ZNF880: variants seen among roughly 807,000 people sequenced by gnomAD.
ZNF880 encodes zinc finger protein LOC400713.
In ZNF880, 12 loss-of-function variants were observed where a neutral mutation model predicts 11.8. The observed-to-expected ratio is 1.02, with a 90% CI of 0.65 to 1.65. The LOEUF is 1.65. Ranked by LOEUF, ZNF880 falls within the 40% of genes most tolerant of loss-of-function variation. ZNF880 has a pLI of 0.00. For synonymous variants in ZNF880, 210 were observed against 232.4 expected, an observed-to-expected ratio of 0.90 and a Z score of 0.88; for missense variants, 601 against 673.9, an observed-to-expected ratio of 0.89 and a Z score of 1.20.
In ZNF880 at chr19:52,378,764, T is replaced by G. The variant is rs143042680; in HGVS notation, c.268+4337T>G. On this transcript the variant is annotated intron_variant, in intron 3 of 3. Transcript: ENST00000422689. ...ACTAAAGCCACTGCTGATTTTATTT[T>G]GGGCCTTTCCATGTATTAGAAATGA... 4.3e-4 allele frequency among the ~76,000 whole-genome samples: 65 copies of G among 152,208 alleles called. No individual in the cohort carries two copies. In the East Asian group the frequency reaches 0.011, roughly 27 times the overall value.
intron 3 of ZNF880, chr19:52,374,648 T>A (rs988465113): frequency 7.5e-5 from 51 of 677,636 alleles, no homozygotes; most frequent in Non-Finnish European, 1.3e-4. Context: ...AACCACACTT[T>A]GAGTTTCTGT....
Position 52,384,524 on chromosome 19 carries a change from A to G in ZNF880, c.944A>G (p.Gln315Arg). Residue 315 changes from glutamine (Q) to arginine (R), a missense_variant, in exon 4 of 4, where the codon CAG becomes CGG. Around this residue, in one of 3 missense-constraint regions of ZNF880, gnomAD observed 420 missense variants for 442.6 expected, o/e 0.95. Transcript: ENST00000422689. ...AGAAATGCACACCTTGCACGACATC[A>G]GAAAATTCATAGTGGAGAGAAACCT... is the stretch of plus-strand genomic sequence containing the variant. ...FNRNAHLARH[Q>R]KIHSGEKPYK... 6.2e-7 allele frequency: 1 copy of G among 1,614,122 alleles called. No individual in the cohort carries two copies. The highest frequency in any genetic ancestry group is 8.5e-7 in the Non-Finnish European group (1 of 1,180,016).
Position 52,384,119 on chromosome 19 carries a change from G to A in ZNF880, c.539G>A (p.Arg180Lys). The change falls in exon 4 of 4, where the codon AGG becomes AAG. Residue 180 changes from arginine (R) to lysine (K), a missense_variant. Around this residue, in one of 3 missense-constraint regions of ZNF880, gnomAD observed 420 missense variants for 442.6 expected, o/e 0.95. Coordinates refer to ENST00000422689, the MANE Select transcript of ZNF880 (RefSeq NM_001145434.2). ...CCACAAGAACAAAAAGCACAAATAA[G>A]GGAAAAACCGTGTGAATGTAATGAG... is the stretch of plus-strand genomic sequence containing the variant. ...FLPQEQKAQIREKPCECNEHG... is the reference protein window; with the variant it reads ...FLPQEQKAQIKEKPCECNEHG... The A allele has an allele frequency of 6.2e-7, 1 of 1,600,252 alleles. No individual in the cohort carries two copies. The highest frequency in any genetic ancestry group is 8.5e-7 in the Non-Finnish European group (1 of 1,172,818).
At chr19:52,381,525 C>A (rs1482645431) in intron 3 of ZNF880, among the ~76,000 whole-genome samples, 2 of 152,086 alleles carry the variant, frequency 1.3e-5, no homozygotes, top group African/African-American at 4.8e-5. Flanking sequence ...ATCTTGTTTT[C>A]TTCTGATTGC....
intron 1 of ZNF880, among the ~76,000 whole-genome samples, chr19:52,371,349 G>GTT (rs903241318): frequency 1.4e-5 from 2 of 146,670 alleles, no homozygotes; most frequent in Non-Finnish European, 3.0e-5. Context: ...ATTGTTTGAT[G>GTT]TTTTTTTTTT....
At chr19:52,376,831 A>T (rs990485048) in intron 3 of ZNF880, among the ~76,000 whole-genome samples, 1 of 151,722 alleles carries the variant, frequency 6.6e-6, no homozygotes, top group Non-Finnish European at 1.5e-5. Context: ...TTTTGATAGG[A>T]TTGTTTGTTT....
At chr19:52,368,471 C>T (rs965622834), upstream of ZNF880, among the ~76,000 whole-genome samples, 5 of 152,044 alleles carry the variant, frequency 3.3e-5, no homozygotes, top group Admixed American at 6.6e-5. Context: ...TGATCCCATA[C>T]ACTGATATGG....
At chr19:52,369,902 T>A, upstream of ZNF880, 1 of 1,550,898 alleles carries the variant, frequency 6.4e-7, no homozygotes, top group Non-Finnish European at 8.7e-7. Flanking sequence ...TGGCCTCGCC[T>A]CGCCTCTCAG....
At chr19:52,377,718 A>G (rs573745312) in intron 3 of ZNF880, among the ~76,000 whole-genome samples, 1 of 152,334 alleles carries the variant, frequency 6.6e-6, no homozygotes, top group Non-Finnish European at 1.5e-5. Flanking sequence ...AAGGATACAG[A>G]TGAAGAGCCG....
chr19:52,377,197 C>T (rs1477529334), intron 3 of ZNF880, among the ~76,000 whole-genome samples: 2 of 152,096 alleles, frequency 1.3e-5, no homozygotes, highest in Non-Finnish European at 2.9e-5. Flanking sequence ...CACACAATTT[C>T]CTATATGAGG....
At chr19:52,372,745 CAAAAAA>C (rs1223056385) in intron 1 of ZNF880, among the ~76,000 whole-genome samples, 1 of 108,430 alleles carries the variant, frequency 9.2e-6, no homozygotes, top group Middle Eastern at 4.7e-3. Flanking sequence ...ACTAACAATA[CAAAAAA>C]AAAAAAAAAT....
chr19:52,367,670 T>C (rs1297489330), upstream of ZNF880: 1 of 150,718 alleles, frequency 6.6e-6, no homozygotes, highest in Non-Finnish European at 1.5e-5. Context: ...AGTTTCTCTG[T>C]ACTCTGGTGT....
At chr19:52,393,835 CTT>C in the ZNF880 span, among the ~76,000 whole-genome samples, 104 of 109,126 alleles carry the variant, frequency 9.5e-4, 1 homozygote, top group African/African-American at 2.4e-3. Context: ...TGCCCCCCCC[CTT>C]TTTTTTTTTT....
the ZNF880 span, among the ~76,000 whole-genome samples, chr19:52,393,029 G>C: frequency 6.6e-6 from 1 of 151,220 alleles, no homozygotes; most frequent in Non-Finnish European, 1.5e-5. Context: ...CTGCAACTGG[G>C]AGAATTCTGT....
intron 1 of ZNF880, among the ~76,000 whole-genome samples, chr19:52,371,274 G>A (rs1382151378): frequency 6.6e-6 from 1 of 152,014 alleles, no homozygotes; most frequent in Non-Finnish European, 1.5e-5. Flanking sequence ...TTTAATCCCG[G>A]AACTTATTTT....
downstream of ZNF880, among the ~76,000 whole-genome samples, chr19:52,386,771 C>T (rs1016750432): frequency 3.2e-5 from 4 of 124,872 alleles, no homozygotes; most frequent in Non-Finnish European, 6.5e-5. Context: ...CATTGCACTC[C>T]AGCCTGGGTG....
downstream of ZNF880, chr19:52,389,543 G>T (rs576687731): frequency 6.6e-6 from 1 of 152,348 alleles, no homozygotes; most frequent in East Asian, 1.9e-4. Flanking sequence ...ACCCATGTCT[G>T]CCCCTGTGAC....
At position 52,384,148 on chromosome 19, in the gene ZNF880, G is replaced by A. The variant is rs374700549; in HGVS notation, c.568G>A (p.Gly190Ser). The change falls in exon 4 of 4, where the codon GGC becomes AGC. Residue 190 changes from glycine to serine, a missense_variant. Around this residue, in one of 3 missense-constraint regions of ZNF880, gnomAD observed 420 missense variants for 442.6 expected, o/e 0.95. Transcript: ENST00000422689. ...AAAACCGTGTGAATGTAATGAGCAT[G>A]GCAAAGCCTTTAGAGTGTCTTCAAG... is the stretch of plus-strand genomic sequence containing the variant. ...REKPCECNEH[G>S]KAFRVSSRLA... is the part of the protein sequence containing the mutation. The A allele has an allele frequency of 3.1e-6, 5 of 1,606,148 alleles. No individual in the cohort carries two copies. In the African/African-American group the frequency reaches 4.0e-5, roughly 13 times the overall value.
chr19:52,387,669 G>A (rs777845662), downstream of ZNF880, among the ~76,000 whole-genome samples: 17 of 142,126 alleles, frequency 1.2e-4, 3 homozygotes, highest in African/African-American at 1.9e-4. Context: ...GGCTGTTCTC[G>A]AACTCCTGAA....
Sources: allele counts gnomAD v4.1 joint callset (sites outside exome capture counted in the v4.1 genomes callset), GRCh38; gene constraint gnomAD v4.1.1; regional missense constraint gnomAD v4.1.1; transcripts MANE v1.5; gene names NCBI Gene and HGNC (gene_info 2026-07-23, HGNC 2026-07-21).